CCDC178: variants seen among roughly 807,000 people sequenced by gnomAD.
CCDC178 encodes coiled-coil domain containing 178, also known as coiled-coil domain-containing protein 178.
Under a neutral mutation model 117.4 loss-of-function variants are expected in CCDC178, and 126 were observed. The observed-to-expected ratio is 1.07, with a 90% CI of 0.93 to 1.24. CCDC178 has a LOEUF of 1.24. Among genes scored for constraint, CCDC178 ranks in the 50% most tolerant of loss-of-function variants. The pLI is 0.00. For missense variants in CCDC178, 1,030 were observed against 986.9 expected, an observed-to-expected ratio of 1.04 and a Z score of -0.59; for synonymous variants, 283 against 313.4, an observed-to-expected ratio of 0.90 and a Z score of 1.02.
At chr18:33,383,379 C>A (rs897803437) in intron 5 of CCDC178, among the ~76,000 whole-genome samples, 2 of 151,958 alleles carry the variant, frequency 1.3e-5, no homozygotes, top group African/African-American at 4.8e-5. Context: ...GGACAGATGA[C>A]CCCCTCAAGT....
At chr18:33,106,541 A>G (rs1021782525) in intron 20 of CCDC178, among the ~76,000 whole-genome samples, 2 of 151,676 alleles carry the variant, frequency 1.3e-5, no homozygotes, top group Admixed American at 1.3e-4. Context: ...TATGGACACT[A>G]TCTGCAGTTC....
intron 20 of CCDC178, among the ~76,000 whole-genome samples, chr18:33,202,898 T>C (rs2059008773): frequency 6.6e-6 from 1 of 152,210 alleles, no homozygotes; most frequent in South Asian, 2.1e-4. Flanking sequence ...CACACTTAGA[T>C]GGAAATTCCT....
At chr18:33,015,276 A>G (rs1370137397) in intron 21 of CCDC178, among the ~76,000 whole-genome samples, 1 of 151,092 alleles carries the variant, frequency 6.6e-6, no homozygotes, top group East Asian at 2.0e-4. Context: ...AAAAAAAAAA[A>G]AGGAAAAAAG....
At chr18:32,958,274 C>CA in intron 22 of CCDC178, 2 of 444,378 alleles carry the variant, frequency 4.5e-6, no homozygotes, top group South Asian at 3.1e-5. Flanking sequence ...GAGTTTGTGG[C>CA]AAAAAATGCT....
intron 20 of CCDC178, among the ~76,000 whole-genome samples, chr18:33,203,732 A>G (rs981036258): frequency 3.9e-5 from 6 of 152,196 alleles, no homozygotes; most frequent in Non-Finnish European, 7.4e-5. Flanking sequence ...CAAATTCCTT[A>G]AAAGGGTTCA....
In CCDC178 at chr18:33,187,086, G is replaced by GGAGAGAGAGAGAGA. The variant is rs58400297; in HGVS notation, c.2238+24796_2238+24809dup. On this transcript the variant is annotated intron_variant, in intron 20 of 22. Transcript: ENST00000383096. ...ACAAGGCACATCTTACATGGCGGCA[G>GGAGAGAGAGAGAGA]GAGAGAGAGAGAGAGAGAGAGAGAG... 3.0e-3 allele frequency among the ~76,000 whole-genome samples: 420 copies of GGAGAGAGAGAGAGA among 140,076 alleles called. 8 individuals are homozygous for GGAGAGAGAGAGAGA. The highest frequency in any genetic ancestry group is 8.6e-3 in the African/African-American group (287 of 33,512). 91.9% of individuals were successfully genotyped at this position (140,076 alleles called of 152,430 possible). A position where few individuals can be genotyped will look rare whatever the true frequency, so the allele number is the denominator to read the frequency against.
chr18:33,376,240 C>G (rs1221207467), intron 5 of CCDC178, among the ~76,000 whole-genome samples: 1 of 152,042 alleles, frequency 6.6e-6, no homozygotes, highest in African/African-American at 2.4e-5. Flanking sequence ...TTGACCATCA[C>G]CTGATGGTCA....
intron 22 of CCDC178, among the ~76,000 whole-genome samples, chr18:32,957,143 C>T (rs1256218053): frequency 6.6e-6 from 1 of 152,170 alleles, no homozygotes; most frequent in Admixed American, 6.5e-5. Context: ...ACTCTAGAGG[C>T]TGAATGCTGA....
chr18:33,318,033 CT>C (rs1298877531), intron 11 of CCDC178, among the ~76,000 whole-genome samples: 3 of 152,122 alleles, frequency 2.0e-5, no homozygotes, highest in Non-Finnish European at 4.4e-5. Flanking sequence ...TGAAGCAGCA[CT>C]CTGGTTCTGG....
chr18:33,034,556 A>C (rs758667441), intron 21 of CCDC178, among the ~76,000 whole-genome samples: 3 of 151,704 alleles, frequency 2.0e-5, no homozygotes, highest in Non-Finnish European at 4.4e-5. Flanking sequence ...TTCTAACTTT[A>C]TGTATGTGTG....
chr18:33,440,125 A>C lies in CCDC178; in HGVS notation c.-142-44T>G, dbSNP rs544382265. 9 of 152,332 alleles carry C rather than the reference A, an allele frequency of 5.9e-5. No individual in the cohort carries two copies. In the South Asian group the frequency reaches 1.9e-3, roughly 32 times the overall value. The allele number at this position is 152,332 out of a possible 1,614,324, so 9.4% of individuals were successfully genotyped here. On this transcript the variant is annotated intron_variant, in intron 1 of 22. Coordinates refer to ENST00000383096, the MANE Select transcript of CCDC178 (RefSeq NM_001105528.4). ...AAGAAAAGAAATCAATAACAGTTCA[A>C]AGGAATAATACATGAGCCACCACAA... is the stretch of plus-strand genomic sequence containing the variant.
intron 21 of CCDC178, among the ~76,000 whole-genome samples, chr18:33,036,188 T>G (rs1044241354): frequency 1.1e-4 from 16 of 151,960 alleles, no homozygotes; most frequent in Non-Finnish European, 2.1e-4. Context: ...AATCTTTATA[T>G]AATTGAAATT....
At chr18:33,078,089 A>T (rs1490303011) in intron 21 of CCDC178, among the ~76,000 whole-genome samples, 1 of 152,216 alleles carries the variant, frequency 6.6e-6, no homozygotes, top group Non-Finnish European at 1.5e-5. Flanking sequence ...ATCTACCATG[A>T]TGAAGTAGGC....
At chr18:33,228,964 T>C (rs990425762) in intron 15 of CCDC178, among the ~76,000 whole-genome samples, 1 of 152,144 alleles carries the variant, frequency 6.6e-6, no homozygotes, top group African/African-American at 2.4e-5. Flanking sequence ...GCTCTGATGG[T>C]CAAAGGTCTT....
intron 20 of CCDC178, among the ~76,000 whole-genome samples, chr18:33,141,396 CA>C (rs34136748): frequency 6.6e-6 from 1 of 152,102 alleles, no homozygotes; most frequent in Non-Finnish European, 1.5e-5. Context: ...ACATATTCTG[CA>C]AAATCCTTGA....
intron 21 of CCDC178, among the ~76,000 whole-genome samples, chr18:33,048,532 A>G (rs1231811401): frequency 6.6e-6 from 1 of 152,180 alleles, no homozygotes; most frequent in East Asian, 1.9e-4. Context: ...TAAAGCAAAT[A>G]GCAATTTTAC....
intron 15 of CCDC178, among the ~76,000 whole-genome samples, chr18:33,231,216 T>C (rs2059364104): frequency 6.6e-6 from 1 of 152,210 alleles, no homozygotes; most frequent in African/African-American, 2.4e-5. Context: ...AATTATGTTA[T>C]ATTCCTGCCA....
At chr18:33,033,123 C>CTCTCATTTCTCTCATTTA (rs2056378284) in intron 21 of CCDC178, among the ~76,000 whole-genome samples, 1 of 151,998 alleles carries the variant, frequency 6.6e-6, no homozygotes, top group Non-Finnish European at 1.5e-5. Flanking sequence ...TCTCTCATTT[C>CTCTCATTTCTCTCATTTA]TGTTACCATA....
chr18:33,199,552 T>C (rs2058969678), intron 20 of CCDC178, among the ~76,000 whole-genome samples: 1 of 152,196 alleles, frequency 6.6e-6, no homozygotes, highest in South Asian at 2.1e-4. Flanking sequence ...TTCATACCCA[T>C]GGACACCATT....
Sources: gnomAD v4.1 joint callset for allele counts (sites outside exome capture counted in the v4.1 genomes callset) on GRCh38, gnomAD v4.1.1 for gene constraint, MANE v1.5 for transcripts, NCBI Gene and HGNC (gene_info 2026-07-23, HGNC 2026-07-21) for gene names.